AKAP6: variants seen among roughly 807,000 people sequenced by gnomAD.
The protein encoded by AKAP6 is A-kinase anchoring protein 6, also known as A-kinase anchor protein 6.
A neutral mutation model predicts 188.5 loss-of-function variants in AKAP6; 58 were observed. The observed-to-expected ratio is 0.31, with a 90% CI of 0.25 to 0.38. AKAP6 has a LOEUF of 0.38. AKAP6 is among the 10% of genes least tolerant of loss of function. AKAP6 has a pLI of 1.00. For missense variants in AKAP6, 2,710 were observed against 2,740.0 expected (o/e 0.99, Z 0.24); for synonymous variants, 989 against 998.6 (o/e 0.99, Z 0.18).
intron 13 of AKAP6, among the ~76,000 whole-genome samples, chr14:32,827,344 T>C (rs1362966227): frequency 1.3e-5 from 2 of 151,656 alleles, no homozygotes; most frequent in Non-Finnish European, 2.9e-5. Context: ...AAATTCCATT[T>C]GCTTGGTTTT....
chr14:32,615,016 A>G (rs1261973670), intron 7 of AKAP6, among the ~76,000 whole-genome samples: 1 of 151,614 alleles, frequency 6.6e-6, no homozygotes, highest in African/African-American at 2.4e-5. Flanking sequence ...TAAAAATACA[A>G]AAATTAGCTG....
rs749915425 is a variant in AKAP6, at chr14:32,823,457, A to G, written c.5644A>G (p.Ile1882Val). 3.7e-6 allele frequency: 6 copies of G among 1,613,440 alleles called. No homozygotes were observed. The highest frequency in any genetic ancestry group is 1.7e-4 in the Middle Eastern group (1 of 6,054). Residue 1882 changes from isoleucine to valine, a missense_variant, in exon 13 of 14, where the codon ATT becomes GTT. Physicochemically the swap from Ile to Val is conservative, Grantham distance 29 (BLOSUM62 3). Transcript: ENST00000280979. The part of the protein sequence containing the change: ...LGTKRENKKT[I>V]FKVNKDPYVA... Reference sequence around the variant, plus strand: ...GACAAAGCGTGAAAATAAGAAAACTATTTTCAAAGTTAATAAAGATCCATA... The same window carrying G: ...GACAAAGCGTGAAAATAAGAAAACTGTTTTCAAAGTTAATAAAGATCCATA...
In AKAP6 at chr14:32,372,072, A is replaced by G. The variant is rs573416211; in HGVS notation, c.-35+42664A>G. On this transcript the variant is annotated intron_variant, in intron 1 of 13. Transcript: ENST00000280979. Reference sequence around the variant, plus strand: ...TTGTACTGTGCCCTGGGGATATAGAATGCTCCTACAAGGGTCAGGGCCTCA... The same window carrying G: ...TTGTACTGTGCCCTGGGGATATAGAGTGCTCCTACAAGGGTCAGGGCCTCA... 5.3e-5 allele frequency among the ~76,000 whole-genome samples: 8 copies of G among 152,076 alleles called. No homozygotes were observed. The South Asian group carries it at 1.7e-3, about 32-fold the overall frequency.
intron 1 of AKAP6, among the ~76,000 whole-genome samples, chr14:32,381,014 G>A (rs990880316): frequency 7.2e-5 from 11 of 152,100 alleles, no homozygotes; most frequent in South Asian, 2.1e-4. Context: ...TCTATGGTAG[G>A]AATAAGACAA....
intron 2 of AKAP6, among the ~76,000 whole-genome samples, chr14:32,446,402 G>T (rs2138757506): frequency 6.6e-6 from 1 of 152,232 alleles, no homozygotes; most frequent in South Asian, 2.1e-4. Context: ...ATGTCATTTT[G>T]TATATGTAGG....
intron 7 of AKAP6, among the ~76,000 whole-genome samples, chr14:32,633,930 A>T (rs1415513502): frequency 6.6e-6 from 1 of 152,070 alleles, no homozygotes; most frequent in African/African-American, 2.4e-5. Context: ...CAAATCTTCC[A>T]TGGCTCCTTA....
At chr14:32,540,252 G>T (rs1882888664) in intron 3 of AKAP6, among the ~76,000 whole-genome samples, 1 of 147,892 alleles carries the variant, frequency 6.8e-6, no homozygotes, top group South Asian at 2.1e-4. Context: ...AGGCTGGAGT[G>T]CAGTGGCACG....
In AKAP6 at chr14:32,351,571, A is replaced by C. The variant is rs540434309; in HGVS notation, c.-35+22163A>C. Among the ~76,000 whole-genome samples, 582 of 149,680 alleles carry C rather than the reference A, an allele frequency of 3.9e-3. 1 individual carries two copies. The highest frequency in any genetic ancestry group is 0.013 in the African/African-American group (540 of 40,328). On this transcript the variant is annotated intron_variant, in intron 1 of 13. Transcript: ENST00000280979. ...GAGCAAGACTTCATCTCAAAAAAAA[A>C]AAAAACAAAAACATTATTACCTGCT...
chr14:32,559,741 T>C (rs956407277), intron 4 of AKAP6, among the ~76,000 whole-genome samples: 59 of 151,564 alleles, frequency 3.9e-4, no homozygotes, highest in Non-Finnish European at 6.3e-4. Context: ...CAAGCAATTG[T>C]AATGTACAGT....
chr14:32,756,950 T>C (rs895041855), intron 11 of AKAP6, among the ~76,000 whole-genome samples: 21 of 152,094 alleles, frequency 1.4e-4, no homozygotes, highest in African/African-American at 5.1e-4. Flanking sequence ...GCTTGGAGAC[T>C]GGGTCCATGA....
At chr14:32,810,690 G>A (rs1325243072) in intron 12 of AKAP6, among the ~76,000 whole-genome samples, 1 of 152,148 alleles carries the variant, frequency 6.6e-6, no homozygotes, top group African/African-American at 2.4e-5. Context: ...TTTTTATGGA[G>A]GGGACTCAAC....
chr14:32,439,632 A>C (rs1043877225), intron 2 of AKAP6, among the ~76,000 whole-genome samples: 1 of 152,200 alleles, frequency 6.6e-6, no homozygotes, highest in Non-Finnish European at 1.5e-5. Context: ...TGGTGCCACC[A>C]AGGTGACAAC....
At chr14:32,662,943 T>A (rs1428660236) in intron 7 of AKAP6, among the ~76,000 whole-genome samples, 7 of 152,144 alleles carry the variant, frequency 4.6e-5, no homozygotes, top group African/African-American at 2.4e-5. Flanking sequence ...CTATAGTTCC[T>A]CTTTTAAAAA....
At chr14:32,779,652 A>C (rs75791475) in intron 12 of AKAP6, among the ~76,000 whole-genome samples, 2,365 of 152,284 alleles carry the variant, frequency 0.016, 38 homozygotes, top group Admixed American at 0.049. Flanking sequence ...TCTAAAACAG[A>C]GCTTTAAAAT....
intron 7 of AKAP6, among the ~76,000 whole-genome samples, chr14:32,613,854 A>T (rs3784203): frequency 0.63 from 96,091 of 151,984 alleles, 31,388 homozygotes; most frequent in East Asian, 0.95. Flanking sequence ...CCAGCTTTTT[A>T]AATGAAGTTC....
chr14:32,605,710 G>A (rs952339360), intron 7 of AKAP6, among the ~76,000 whole-genome samples: 1 of 152,092 alleles, frequency 6.6e-6, no homozygotes, highest in African/African-American at 2.4e-5. Flanking sequence ...TTTCCATGAC[G>A]TGACCTTGCA....
chr14:32,483,928 G>GC (rs1406996918), intron 2 of AKAP6, among the ~76,000 whole-genome samples: 1 of 151,476 alleles, frequency 6.6e-6, no homozygotes. Flanking sequence ...CCCTCACCTT[G>GC]CCCCCCATCC....
intron 2 of AKAP6, among the ~76,000 whole-genome samples, chr14:32,482,554 C>T (rs1879407431): frequency 6.6e-6 from 1 of 152,182 alleles, no homozygotes; most frequent in Non-Finnish European, 1.5e-5. Flanking sequence ...GAGCAATCAA[C>T]ACTGTTGGAT....
At chr14:32,706,735 C>T (rs898954765) in intron 9 of AKAP6, among the ~76,000 whole-genome samples, 1 of 152,088 alleles carries the variant, frequency 6.6e-6, no homozygotes, top group Admixed American at 6.6e-5. Context: ...ATGAGGCACA[C>T]TGGGGTAAGC....
Sources: allele counts gnomAD v4.1 joint callset (sites outside exome capture counted in the v4.1 genomes callset), GRCh38; gene constraint gnomAD v4.1.1; transcripts MANE v1.5; gene names NCBI Gene and HGNC (gene_info 2026-07-23, HGNC 2026-07-21).